Variants in FOXP2 observed in about 807,000 individuals in gnomAD.
FOXP2 encodes forkhead box P2, also known as forkhead box protein P2.
A neutral mutation model predicts 115.8 loss-of-function variants in FOXP2; 12 were observed. That is an observed-to-expected ratio of 0.10 (90% CI 0.07 to 0.17). The LOEUF is 0.17. Among genes scored for constraint, FOXP2 ranks in the 10% least tolerant of loss-of-function variants. The pLI, the probability that FOXP2 is intolerant of heterozygous loss-of-function variation, is 1.00. For synonymous variants in FOXP2, 328 were observed against 297.7 expected (o/e 1.10, Z -1.05); for missense variants, 629 against 843.5 (o/e 0.75, Z 3.15).
intron 16 of FOXP2, chr7:114,664,679 TA>T: frequency 1.9e-6 from 1 of 513,070 alleles, no homozygotes; most frequent in Non-Finnish European, 3.5e-6. Flanking sequence ...TTAGTACTAC[TA>T]ATGTTCTCTT....
intron 13 of FOXP2, among the ~76,000 whole-genome samples, chr7:114,661,629 T>G (rs1313906596): frequency 6.6e-6 from 1 of 152,138 alleles, no homozygotes; most frequent in Non-Finnish European, 1.5e-5. Flanking sequence ...CATAAAGCTT[T>G]GTGCAAAATT....
intron 16 of FOXP2, chr7:114,666,324 CA>C (rs773133535): frequency 2.0e-5 from 3 of 151,942 alleles, no homozygotes; most frequent in Non-Finnish European, 2.9e-5. Context: ...AATTATCTTG[CA>C]GAATATTGAG....
intron 3 of FOXP2, among the ~76,000 whole-genome samples, chr7:114,591,022 A>G (rs1802413076): frequency 6.6e-6 from 1 of 152,178 alleles, no homozygotes; most frequent in African/African-American, 2.4e-5. Flanking sequence ...GCCATTTCTC[A>G]AAGTGCTTTT....
intron 2 of FOXP2, among the ~76,000 whole-genome samples, chr7:114,505,925 G>A (rs1019281590): frequency 2.0e-5 from 3 of 151,338 alleles, no homozygotes; most frequent in Non-Finnish European, 4.4e-5. Context: ...TTTTTGTAGC[G>A]TACTGTTTCT....
intron 2 of FOXP2, among the ~76,000 whole-genome samples, chr7:114,353,261 C>T (rs190009822): frequency 1.0e-3 from 156 of 150,716 alleles, no homozygotes; most frequent in African/African-American, 3.6e-3. Context: ...CTCCAGGGCT[C>T]CCTTTTTTTC....
chr7:114,477,722 C>A lies in FOXP2; in HGVS notation c.168+51043C>A, dbSNP rs113177310. Among the ~76,000 whole-genome samples the A allele has an allele frequency of 7.1e-3, 1,075 of 151,854 alleles. 11 individuals are homozygous for A. The highest frequency in any genetic ancestry group is 0.025 in the African/African-American group (1,023 of 41,450). On this transcript the variant is annotated intron_variant, in intron 2 of 16. Coordinates refer to ENST00000350908, the MANE Select transcript of FOXP2 (RefSeq NM_014491.4). Reference sequence around the variant, plus strand: ...TGAAAAAGAATGTATCACGCAAATTCTTAGAAACTTGGTAATAGATTGTAG... The same window carrying A: ...TGAAAAAGAATGTATCACGCAAATTATTAGAAACTTGGTAATAGATTGTAG...
At chr7:114,539,103 C>G (rs1271056549) in intron 3 of FOXP2, among the ~76,000 whole-genome samples, 1 of 151,620 alleles carries the variant, frequency 6.6e-6, no homozygotes, top group African/African-American at 2.4e-5. Context: ...TTAAAAATAA[C>G]AAAAGCTGAC....
At chr7:114,637,580 A>G (rs1213335291) in intron 6 of FOXP2, among the ~76,000 whole-genome samples, 2 of 152,182 alleles carry the variant, frequency 1.3e-5, no homozygotes, top group African/African-American at 4.8e-5. Context: ...GCACTCTTAT[A>G]GACACTGGGG....
chr7:114,216,001 G>T (rs1794476151), intron 1 of FOXP2, among the ~76,000 whole-genome samples: 1 of 152,188 alleles, frequency 6.6e-6, no homozygotes, highest in Admixed American at 6.5e-5. Flanking sequence ...GCCACTGGCA[G>T]AGCTGGGCAT....
At position 114,624,190 on chromosome 7, in the gene FOXP2, T is replaced by G. The variant is rs555536982; in HGVS notation, c.259-4350T>G. On this transcript the variant is annotated intron_variant, in intron 3 of 16. Transcript: ENST00000350908. Reference sequence around the variant, plus strand: ...GAAGAAATGTATCAAGAATGTACAATAAAATATTTTCTATTAACAGTCAAA... The same window carrying G: ...GAAGAAATGTATCAAGAATGTACAAGAAAATATTTTCTATTAACAGTCAAA... Among the ~76,000 whole-genome samples the G allele has an allele frequency of 2.6e-5, 4 of 151,954 alleles. No individual in the cohort carries two copies. In the East Asian group the frequency reaches 5.8e-4, roughly 22 times the overall value.
At chr7:114,565,777 C>A (rs1800991523) in intron 3 of FOXP2, among the ~76,000 whole-genome samples, 2 of 152,040 alleles carry the variant, frequency 1.3e-5, no homozygotes, top group South Asian at 4.1e-4. Flanking sequence ...CTAACTATAT[C>A]AGAATAAAGA....
chr7:114,676,546 C>T lies in FOXP2; in HGVS notation c.2003+12110C>T, dbSNP rs76204938. ...GTGAGGATAGCTTTTTGAATGTTCT[C>T]TGGGGAGTAACATTTTTTAGAGTAA... On this transcript the variant is annotated intron_variant, in intron 16 of 16. Coordinates refer to ENST00000350908, the MANE Select transcript of FOXP2 (RefSeq NM_014491.4). 5.1e-3 allele frequency among the ~76,000 whole-genome samples: 773 copies of T among 152,166 alleles called. 6 individuals carry two copies. Among genetic ancestry groups the T allele is most frequent in the African/African-American group, 0.018 (738 of 41,506 alleles).
chr7:114,105,592 C>T (rs1404018833), intron 1 of FOXP2, among the ~76,000 whole-genome samples: 1 of 152,022 alleles, frequency 6.6e-6, no homozygotes, highest in African/African-American at 2.4e-5. Context: ...TCATTTTCCA[C>T]AGAGAATTTC....
At chr7:114,261,500 TG>T (rs978588821) in intron 1 of FOXP2, among the ~76,000 whole-genome samples, 1 of 152,204 alleles carries the variant, frequency 6.6e-6, no homozygotes, top group African/African-American at 2.4e-5. Flanking sequence ...ATTTTTAAAA[TG>T]TTTAAAAGAT....
rs575894554 is a variant in FOXP2 at position 114,253,860 on chromosome 7, G to A, written c.-101-34159G>A. ...ATGATGTTAGCTGGTTATTTTGCTC[G>A]TTACTTGATGCAGTTTCTTCCTAGC... is the stretch of plus-strand genomic sequence containing the variant. On this transcript the variant is annotated intron_variant, in intron 1 of 17. Transcript: ENST00000634411. Among the ~76,000 whole-genome samples, 10 of 152,254 alleles carry A rather than the reference G, an allele frequency of 6.6e-5. 1 individual carries two copies. The highest frequency in any genetic ancestry group is 4.1e-4 in the South Asian group (2 of 4,822).
At chr7:114,184,955 A>G (rs1793553620) in intron 1 of FOXP2, among the ~76,000 whole-genome samples, 1 of 152,202 alleles carries the variant, frequency 6.6e-6, no homozygotes, top group Non-Finnish European at 1.5e-5. Flanking sequence ...ATTTTCTGCC[A>G]TGAAGTCTGT....
rs1286631696 is a variant in FOXP2 at position 114,652,070 on chromosome 7, G to T, written c.1095-133G>T. On this transcript the variant is annotated intron_variant, in intron 8 of 16. Transcript: ENST00000350908. Reference sequence around the variant, plus strand: ...ACGTAAGCAGCTTTAACTTTTATCTGTATGGTTTCAAGGCTTTCTGTTTTC... The same window carrying T: ...ACGTAAGCAGCTTTAACTTTTATCTTTATGGTTTCAAGGCTTTCTGTTTTC... The T allele has an allele frequency of 7.6e-6, 6 of 787,608 alleles. No homozygotes were observed. The East Asian group carries it at 1.6e-4, about 21-fold the overall frequency. 48.8% of individuals were successfully genotyped at this position (787,608 alleles called of 1,614,324 possible).
In FOXP2 at chr7:114,596,544, T is replaced by C. The variant is rs571289668; in HGVS notation, c.259-31996T>C. ...TATCTGACCATATGAATAATCATAATTCATGCAAATATAATTTATGTTAAA... is the reference window on the plus strand; with the variant it reads ...TATCTGACCATATGAATAATCATAACTCATGCAAATATAATTTATGTTAAA... On this transcript the variant is annotated intron_variant, in intron 3 of 16. Coordinates refer to ENST00000350908, the MANE Select transcript of FOXP2 (RefSeq NM_014491.4). 1.5e-4 allele frequency among the ~76,000 whole-genome samples: 23 copies of C among 152,266 alleles called. No homozygotes were observed. In the South Asian group the frequency reaches 4.8e-3, roughly 32 times the overall value.
chr7:114,428,618 C>A (rs964461741), intron 2 of FOXP2, among the ~76,000 whole-genome samples: 2 of 151,354 alleles, frequency 1.3e-5, no homozygotes, highest in African/African-American at 4.8e-5. Flanking sequence ...CATGCAAAAA[C>A]CTTTGTAAAT....
Sources: allele counts gnomAD v4.1 joint callset (sites outside exome capture counted in the v4.1 genomes callset), GRCh38; gene constraint gnomAD v4.1.1; transcripts MANE v1.5; gene names NCBI Gene and HGNC (gene_info 2026-07-23, HGNC 2026-07-21).